EXO1: variants seen among roughly 807,000 people sequenced by gnomAD.
EXO1 encodes the protein exonuclease 1.
EXO1 carries 69 observed loss-of-function variants against 84.5 expected under a neutral mutation model. The observed-to-expected ratio is 0.82, with a 90% CI of 0.67 to 1.00. The LOEUF (loss-of-function observed/expected upper bound fraction) is 1.00, where lower values mean the gene tolerates loss of function less well. Ranked by LOEUF, EXO1 falls within the 50% of genes least tolerant of loss-of-function variation. The pLI, the probability that EXO1 is intolerant of heterozygous loss-of-function variation, is 0.00. For synonymous variants in EXO1, 373 were observed against 366.1 expected (o/e 1.02, Z -0.21); for missense variants, 1,045 against 1,000.7 (o/e 1.04, Z -0.60).
At chr1:241,857,932 C>G (rs1661158385) in intron 7 of EXO1, among the ~76,000 whole-genome samples, 1 of 152,096 alleles carries the variant, frequency 6.6e-6, no homozygotes, top group African/African-American at 2.4e-5. Context: ...AAAACTATTT[C>G]ATGGAAAACT....
intron 6 of EXO1, among the ~76,000 whole-genome samples, chr1:241,857,143 T>A (rs571017044): frequency 2.0e-5 from 3 of 152,312 alleles, no homozygotes; most frequent in Admixed American, 6.5e-5. Flanking sequence ...GTTGATTTTT[T>A]AAAAATGTCT....
intron 5 of EXO1, 52 bp downstream of exon 5, chr1:241,852,463 CTG>C: frequency 6.5e-7 from 1 of 1,532,542 alleles, no homozygotes; most frequent in Non-Finnish European, 9.0e-7. Context: ...AGGTCAGACA[CTG>C]TAGTCTATAT....
Position 241,885,424 on chromosome 1 carries a change from G to C in EXO1, c.2322G>C (p.Gln774His). 3 of 1,613,930 alleles carry C rather than the reference G, an allele frequency of 1.9e-6. No individual in the cohort carries two copies. Among genetic ancestry groups the C allele is most frequent in the Non-Finnish European group, 2.5e-6 (3 of 1,179,910 alleles). ...TGAGCAAGAAGCCGGCAAGCATCCAGAAGAGAAAGCATCATAATGCCGAGA... is the reference window on the plus strand; with the variant it reads ...TGAGCAAGAAGCCGGCAAGCATCCACAAGAGAAAGCATCATAATGCCGAGA... ...SGLSKKPASI[Q>H]KRKHHNAENK... Residue 774 changes from glutamine (Q) to histidine (H), a missense_variant, in exon 15 of 16, where the codon CAG (glutamine) becomes CAC (histidine). By Grantham distance (24) the Gln-to-His change is conservative (BLOSUM62 0). Coordinates refer to ENST00000366548, the MANE Select transcript of EXO1 (RefSeq NM_130398.4).
chr1:241,848,065 G>C (rs945067442), upstream of EXO1: 1 of 152,286 alleles, frequency 6.6e-6, no homozygotes, highest in Non-Finnish European at 1.5e-5. The surrounding 1 kb of genome is among the most constrained non-coding windows in gnomAD (Gnocchi z 4.2). Context: ...GTGAGCCGCT[G>C]TCTACCCAGC....
rs990902171 is a variant in EXO1 at position 241,849,141 on chromosome 1, T to G, written c.-93T>G. 6.6e-6 allele frequency: 1 copy of G among 152,164 alleles called. No individual in the cohort carries two copies. Among genetic ancestry groups the G allele is most frequent in the South Asian group, 2.1e-4 (1 of 4,824 alleles). The allele number at this position is 152,164 out of a possible 1,614,324, so 9.4% of individuals were successfully genotyped here. A position where few individuals can be genotyped will look rare whatever the true frequency, so the allele number is the denominator to read the frequency against. ...AGTGAATCCCAGTCACTGAGTGGAG[T>G]TGAGAGTCTAAGAACCTCTGAAATT... On this transcript the variant is annotated 5_prime_UTR_variant, in exon 3 of 16. Transcript: ENST00000366548.
Position 241,850,095 on chromosome 1 carries a change from C to G in EXO1, c.-17-314C>G, listed in dbSNP as rs1346802056. Among the ~76,000 whole-genome samples, 3 of 152,220 alleles carry G rather than the reference C, an allele frequency of 2.0e-5. No homozygotes were observed. In the East Asian group the frequency reaches 5.8e-4, roughly 29 times the overall value. ...AGGAGATCGAGACCATCCTGGCTAACATGGTGAAACCCCGTCTCTACTAAA... is the reference window on the plus strand; with the variant it reads ...AGGAGATCGAGACCATCCTGGCTAAGATGGTGAAACCCCGTCTCTACTAAA... On this transcript the variant is annotated intron_variant, in intron 3 of 15. Transcript: ENST00000366548.
Position 241,849,217 on chromosome 1 carries a change from G to A in EXO1, c.-18+1G>A, listed in dbSNP as rs1277259089. The A allele has an allele frequency of 6.6e-6, 1 of 152,240 alleles. No homozygotes were observed. The highest frequency in any genetic ancestry group is 1.5e-5 in the Non-Finnish European group (1 of 68,064). The allele number at this position is 152,240 out of a possible 1,614,324, so 9.4% of individuals were successfully genotyped here. A position where few individuals can be genotyped will look rare whatever the true frequency, so the allele number is the denominator to read the frequency against. Reference sequence around the variant, plus strand: ...AGAGCTCTGATAAGGTGTCAACAGGGTAAAGCTGCCTCCTGATCCTGTACT... The same window carrying A: ...AGAGCTCTGATAAGGTGTCAACAGGATAAAGCTGCCTCCTGATCCTGTACT... On this transcript the variant is annotated splice_donor_variant, in intron 3 of 15. Coordinates refer to ENST00000366548, the MANE Select transcript of EXO1 (RefSeq NM_130398.4). LOFTEE classifies it low-confidence loss of function (5UTR_SPLICE).
At chr1:241,867,135 G>A (rs1661793717) in intron 11 of EXO1, 80 bp downstream of exon 11, 2 of 1,043,376 alleles carry the variant, frequency 1.9e-6, no homozygotes, top group African/African-American at 1.6e-5. Flanking sequence ...AAGTCGCGAA[G>A]ATTTTCTCCT....
rs1038057835 is a variant in EXO1, at chr1:241,850,491, T to A, written c.66T>A (p.Tyr22Ter). ...CAGAACCCATCCATGTGAGGAAGTA[T>A]AAAGGGCAGGTAGTAGCTGTGGATA... ...EASEPIHVRK[Y>*]KGQVVAVDTY... Residue 22 changes from tyrosine (Y) to a stop codon, truncating the protein, a stop_gained, in exon 4 of 16, where the codon TAT becomes TAA. Coordinates refer to ENST00000366548, the MANE Select transcript of EXO1 (RefSeq NM_130398.4). LOFTEE classifies it high-confidence loss of function. 2 of 1,613,954 alleles carry A rather than the reference T, an allele frequency of 1.2e-6. No homozygotes were observed. Among genetic ancestry groups the A allele is most frequent in the Non-Finnish European group, 1.7e-6 (2 of 1,179,840 alleles).
intron 4 of EXO1, 132 bp downstream of exon 4, chr1:241,850,718 G>T: frequency 1.4e-6 from 1 of 727,402 alleles, no homozygotes; most frequent in Admixed American, 2.1e-5. Context: ...GTATGTTTTA[G>T]AATATTCCCA....
chr1:241,873,532 A>C (rs1259403808), intron 12 of EXO1, among the ~76,000 whole-genome samples: 1 of 152,036 alleles, frequency 6.6e-6, no homozygotes, highest in Non-Finnish European at 1.5e-5. Flanking sequence ...TGAGGGCTTC[A>C]TACAATTTTG....
rs1395840283 is a variant in EXO1, at chr1:241,885,359, A to G, written c.2257A>G (p.Thr753Ala). ...KSSSADSLST[T>A]KIKPLGPARA... The stretch of plus-strand genomic sequence containing the variant: ...CAGTTCTGCAGACTCTCTTTCTACA[A>G]CCAAGATCAAACCTCTAGGACCTGC... The change falls in exon 15 of 16, where the codon ACC (threonine) becomes GCC (alanine). Residue 753 changes from threonine (T) to alanine (A), a missense_variant. Thr to Ala is a moderately conservative substitution (Grantham distance 58, BLOSUM62 0). Coordinates refer to ENST00000366548, the MANE Select transcript of EXO1 (RefSeq NM_130398.4). 1 of 1,613,968 alleles carries G rather than the reference A, an allele frequency of 6.2e-7. No individual in the cohort carries two copies. The highest frequency in any genetic ancestry group is 8.5e-7 in the Non-Finnish European group (1 of 1,179,946).
chr1:241,881,669 T>C (rs1355425899), intron 13 of EXO1, among the ~76,000 whole-genome samples: 16 of 152,200 alleles, frequency 1.1e-4, no homozygotes. Flanking sequence ...CATCCTCTTC[T>C]AACAGTTCAG....
Position 241,889,671 on chromosome 1 carries a change from G to A in EXO1, c.*71G>A, listed in dbSNP as rs1663273220. On this transcript the variant is annotated 3_prime_UTR_variant, in exon 16 of 16. Coordinates refer to ENST00000366548, the MANE Select transcript of EXO1 (RefSeq NM_130398.4). ...TTTGAAGTCCCTGTTTGGGAATGAGGCACTTATCAGCATGAAGAATTTTTT... is the reference window on the plus strand; with the variant it reads ...TTTGAAGTCCCTGTTTGGGAATGAGACACTTATCAGCATGAAGAATTTTTT... 3 of 1,418,012 alleles carry A rather than the reference G, an allele frequency of 2.1e-6. No homozygotes were observed. The highest frequency in any genetic ancestry group is 1.4e-5 in the African/African-American group (1 of 70,940). 87.8% of individuals were successfully genotyped at this position (1,418,012 alleles called of 1,614,324 possible). A position where few individuals can be genotyped will look rare whatever the true frequency, so the allele number is the denominator to read the frequency against.
intron 11 of EXO1, 88 bp downstream of exon 11, chr1:241,867,143 C>A: frequency 1.1e-6 from 1 of 924,798 alleles, no homozygotes; most frequent in African/African-American, 1.6e-5. Context: ...AAGATTTTCT[C>A]CTGTTTTCTC....
chr1:241,850,294 A>G (rs1660588756), intron 3 of EXO1, 115 bp from the exon 4 acceptor site: 5 of 769,316 alleles, frequency 6.5e-6, no homozygotes, highest in South Asian at 6.4e-5. Context: ...AAAAAAAAAA[A>G]CAACAAACCA....
intron 12 of EXO1, 36 bp from the exon 13 acceptor site, chr1:241,878,713 A>C (rs1553274047): frequency 4.5e-6 from 6 of 1,325,240 alleles, no homozygotes. Context: ...TAAAATACTC[A>C]TACTTACTTA....
intron 12 of EXO1, among the ~76,000 whole-genome samples, chr1:241,878,548 A>G (rs753633457): frequency 1.4e-4 from 22 of 152,074 alleles, no homozygotes; most frequent in Non-Finnish European, 1.0e-4. Context: ...GTATAAATAG[A>G]ATTCTAAATG....
intron 4 of EXO1, 46 bp downstream of exon 4, chr1:241,850,632 C>G (rs1285458309): frequency 1.3e-6 from 2 of 1,503,278 alleles, no homozygotes; most frequent in Admixed American, 3.3e-5. Context: ...AAGAATGAGA[C>G]CTACAGTGCC....
Sources: allele counts gnomAD v4.1 joint callset (sites outside exome capture counted in the v4.1 genomes callset), GRCh38; gene constraint gnomAD v4.1.1; non-coding constraint Gnocchi (gnomAD v3.1); transcripts MANE v1.5; gene names NCBI Gene and HGNC (gene_info 2026-07-23, HGNC 2026-07-21).